Variants in ERI2 observed in about 807,000 individuals in gnomAD.
The protein encoded by ERI2 is ERI1 exoribonuclease 2.
A neutral mutation model predicts 46.8 loss-of-function variants in ERI2; 35 were observed. The ratio of observed to expected loss-of-function variants is 0.75; its 90% confidence interval spans 0.57 to 0.99. The LOEUF is 0.99. Ranked by LOEUF, ERI2 falls within the 50% of genes least tolerant of loss-of-function variation. The probability of loss-of-function intolerance (pLI) is 0.00; values close to 1 mark genes in which losing one functional copy is unlikely to be tolerated. For synonymous variants in ERI2, 224 were observed against 271.0 expected, an observed-to-expected ratio of 0.83 and a Z score of 1.70; for missense variants, 695 against 796.2, an observed-to-expected ratio of 0.87 and a Z score of 1.53.
chr16:20,792,916 G>A (rs563571853), downstream of ERI2, among the ~76,000 whole-genome samples: 67 of 152,186 alleles, frequency 4.4e-4, no homozygotes, highest in Non-Finnish European at 6.6e-4. Flanking sequence ...GCAGCCTCCT[G>A]CGTTTTGCCT....
downstream of ERI2, among the ~76,000 whole-genome samples, chr16:20,793,556 G>A (rs183228324): frequency 2.9e-4 from 44 of 152,122 alleles, 1 homozygote; most frequent in Admixed American, 1.2e-3. Flanking sequence ...CCCCAGGACT[G>A]ATTCCCCTAA....
Position 20,786,041 on chromosome 16 carries a change from TTGTAA to T in ERI2, c.894+3433_894+3437del, listed in dbSNP as rs755856152. On this transcript the variant is annotated intron_variant, in intron 10 of 10. Coordinates refer to the ERI2 transcript ENST00000300005. ...GATAGATGAATAAATTTTAAGTGAC[TTGTAA>T]TGTTATCTTACTTTTTCTTCTTCTT... is the stretch of plus-strand genomic sequence containing the variant. 9 of 1,390,242 alleles carry T rather than the reference TTGTAA, an allele frequency of 6.5e-6. No individual in the cohort carries two copies. In the Admixed American group the frequency reaches 2.1e-4, roughly 33 times the overall value. The allele number at this position is 1,390,242 out of a possible 1,614,324, so 86.1% of individuals were successfully genotyped here.
Position 20,798,962 on chromosome 16 carries a change from T to C in ERI2, c.838A>G (p.Asn280Asp), listed in dbSNP as rs746470062. 1.8e-5 allele frequency: 28 copies of C among 1,550,292 alleles called. No homozygotes were observed. Among genetic ancestry groups the C allele is most frequent in the East Asian group, 4.9e-5 (2 of 40,910 alleles). ...NISIQGPSIY[N>D]KEPKNIINPH... The stretch of plus-strand genomic sequence containing the variant: ...TTTATTATATTTTTAGGCTCCTTAT[T>C]ATATATGCTGGGACCCTGGATGCTA... Residue 280 changes from asparagine (N) to aspartate (D), a missense_variant, in exon 9 of 9, where the codon AAT becomes GAT. Coordinates refer to ENST00000357967, the MANE Select transcript of ERI2 (RefSeq NM_001142725.2).
chr16:20,788,232 T>C (rs1272120633), intron 10 of ERI2, among the ~76,000 whole-genome samples: 1 of 152,198 alleles, frequency 6.6e-6, no homozygotes, highest in Non-Finnish European at 1.5e-5. Flanking sequence ...AAAGAAATAT[T>C]GATAATTAAG....
chr16:20,791,035 G>T, intron 8 of ERI2: 1 of 1,208,824 alleles, frequency 8.3e-7, no homozygotes, highest in Non-Finnish European at 1.2e-6. Context: ...TTTTCGGGAA[G>T]AGTGAGAGGG....
chr16:20,789,629 C>G, intron 9 of ERI2: 3 of 1,046,740 alleles, frequency 2.9e-6, no homozygotes, highest in Non-Finnish European at 4.4e-6. Flanking sequence ...AGACCTATTG[C>G]TAAATGATAA....
At chr16:20,805,639 CCTGGCATGCTTATA>C (rs2152496709) in intron 1 of ERI2, 1 of 153,630 alleles carries the variant, frequency 6.5e-6, no homozygotes, top group Non-Finnish European at 1.4e-5. Flanking sequence ...AAATATTTGC[CCTGGCATGCTTATA>C]CTGGTCCAAT....
downstream of ERI2, chr16:20,796,149 G>A (rs1274023361): frequency 1.6e-6 from 1 of 623,674 alleles, no homozygotes; most frequent in Non-Finnish European, 2.5e-6. Flanking sequence ...TGAGGGCTAG[G>A]CTGGATGAGG....
Position 20,800,262 on chromosome 16 carries a change from C to A in ERI2, c.561+40G>T, listed in dbSNP as rs147269905. ...GTAGGATAAAAGTTAATCATTTTTC[C>A]ATAGAAAAAAGTAAACATGCCCCCA... On this transcript the variant is annotated intron_variant, in intron 6 of 8. Coordinates refer to ENST00000357967, the MANE Select transcript of ERI2 (RefSeq NM_001142725.2). 359 of 1,370,922 alleles carry A rather than the reference C, an allele frequency of 2.6e-4. 2 individuals are homozygous for A. In the African/African-American group the frequency reaches 4.7e-3, roughly 18 times the overall value. The allele number at this position is 1,370,922 out of a possible 1,614,324, so 84.9% of individuals were successfully genotyped here. A position where few individuals can be genotyped will look rare whatever the true frequency, so the allele number is the denominator to read the frequency against.
At position 20,797,537 on chromosome 16, in the gene ERI2, T is replaced by C; in HGVS notation, c.*187A>G. ...ACTATAAAAGAAGGATCATATACTA[T>C]TGTTGCTTATTATATGTAATCTAAT... On this transcript the variant is annotated 3_prime_UTR_variant, in exon 9 of 9. Transcript: ENST00000357967. 4 of 1,211,418 alleles carry C rather than the reference T, an allele frequency of 3.3e-6. No homozygotes were observed. Among genetic ancestry groups the C allele is most frequent in the Non-Finnish European group, 4.1e-6 (4 of 971,926 alleles). 75.0% of individuals were successfully genotyped at this position (1,211,418 alleles called of 1,614,324 possible).
intron 7 of ERI2, 83 bp downstream of exon 7, chr16:20,799,874 T>A (rs1282275283): frequency 1.3e-6 from 1 of 793,348 alleles, no homozygotes; most frequent in Admixed American, 2.2e-5. Context: ...TATCCCTTAC[T>A]AATGACATTA....
At position 20,806,396 on chromosome 16, in the gene ERI2, T is replaced by G; in HGVS notation, c.23+12A>C. On this transcript the variant is annotated intron_variant, in intron 1 of 8. Coordinates refer to ENST00000357967, the MANE Select transcript of ERI2 (RefSeq NM_001142725.2). Reference sequence around the variant, plus strand: ...GAGCTACCCGCCCCCGACCCGGAACTCCCTCGAGTACCGCGCGAGCCGCTT... The same window carrying G: ...GAGCTACCCGCCCCCGACCCGGAACGCCCTCGAGTACCGCGCGAGCCGCTT... 6.5e-7 allele frequency: 1 copy of G among 1,549,420 alleles called. No individual in the cohort carries two copies. Among genetic ancestry groups the G allele is most frequent in the Non-Finnish European group, 8.7e-7 (1 of 1,146,818 alleles).
intron 10 of ERI2, chr16:20,781,722 C>A: frequency 6.2e-7 from 1 of 1,612,710 alleles, no homozygotes; most frequent in Non-Finnish European, 8.5e-7. Flanking sequence ...TCTCCAAGTA[C>A]CCCATCACAG....
chr16:20,806,057 T>A (rs2080864931), intron 1 of ERI2: 7 of 1,214,636 alleles, frequency 5.8e-6, no homozygotes, highest in Non-Finnish European at 7.2e-6. Flanking sequence ...CTTGACAGAT[T>A]CAGTGTGTGG....
intron 3 of ERI2, 53 bp from the exon 4 acceptor site, chr16:20,802,976 C>A: frequency 6.8e-7 from 1 of 1,478,358 alleles, no homozygotes; most frequent in Non-Finnish European, 9.1e-7. Context: ...TTAAATTAAT[C>A]CTGTAATCAT....
chr16:20,780,936 T>G lies in ERI2; in HGVS notation c.895-202A>C, dbSNP rs764296808. On this transcript the variant is annotated intron_variant, in intron 10 of 10. Coordinates refer to the ERI2 transcript ENST00000300005. ...TTATGTACTGGTCTTTTATATTTAT[T>G]TTCCTATGTACATCAGGGCTACTCT... 15 of 1,612,382 alleles carry G rather than the reference T, an allele frequency of 9.3e-6. 1 individual carries two copies. Among genetic ancestry groups the G allele is most frequent in the Non-Finnish European group, 1.3e-5 (15 of 1,179,280 alleles).
chr16:20,784,268 C>A (rs766772701), intron 10 of ERI2, among the ~76,000 whole-genome samples: 1 of 152,128 alleles, frequency 6.6e-6, no homozygotes, highest in Non-Finnish European at 1.5e-5. Context: ...ATTAAAAATT[C>A]AATTCCTCAG....
At chr16:20,789,199 G>A (rs1295573967) in intron 10 of ERI2, among the ~76,000 whole-genome samples, 2 of 152,052 alleles carry the variant, frequency 1.3e-5, no homozygotes, top group African/African-American at 4.8e-5. Context: ...ATGATTAAAA[G>A]CATATGATCT....
intron 1 of ERI2, chr16:20,806,199 C>A: frequency 7.2e-7 from 1 of 1,395,336 alleles, no homozygotes; most frequent in Non-Finnish European, 9.3e-7. Flanking sequence ...GGGCTCCTGT[C>A]ACCCTCGGGT....
Sources: allele counts gnomAD v4.1 joint callset (sites outside exome capture counted in the v4.1 genomes callset), GRCh38; gene constraint gnomAD v4.1.1; transcripts MANE v1.5; gene names NCBI Gene and HGNC (gene_info 2026-07-23, HGNC 2026-07-21).